RAPGEF2: variants seen among roughly 807,000 people sequenced by gnomAD.
The protein encoded by RAPGEF2 is PDZ domain containing guanine nucleotide exchange factor (GEF) 1.
RAPGEF2 carries 54 observed loss-of-function variants against 186.7 expected under a neutral mutation model. That is an observed-to-expected ratio of 0.29 (90% CI 0.23 to 0.36). RAPGEF2 has a LOEUF of 0.36. RAPGEF2 is among the 10% of genes least tolerant of loss of function. The pLI, the probability that RAPGEF2 is intolerant of heterozygous loss-of-function variation, is 1.00. For missense variants in RAPGEF2, 1,532 were observed against 2,045.0 expected (o/e 0.75, Z 4.84); for synonymous variants, 712 against 705.9 (o/e 1.01, Z -0.14).
intron 7 of RAPGEF2, among the ~76,000 whole-genome samples, chr4:159,258,507 G>C (rs1756445325): frequency 6.6e-6 from 1 of 152,168 alleles, no homozygotes; most frequent in Non-Finnish European, 1.5e-5. Context: ...ATTTCTGGTA[G>C]TAAAGTCTGT....
chr4:159,111,678 T>C (rs1738515216), intron 1 of RAPGEF2, among the ~76,000 whole-genome samples: 1 of 152,224 alleles, frequency 6.6e-6, no homozygotes, highest in African/African-American at 2.4e-5. Context: ...TGATTTCTCC[T>C]GAAAATTCAT....
chr4:159,195,875 GTTT>G (rs34827512), intron 3 of RAPGEF2, among the ~76,000 whole-genome samples: 4,229 of 93,958 alleles, frequency 0.045, 77 homozygotes, highest in South Asian at 0.083. Flanking sequence ...AAACATACCT[GTTT>G]TTTTTTTTTT....
chr4:159,135,446 C>T (rs1741618885), intron 1 of RAPGEF2, among the ~76,000 whole-genome samples: 1 of 152,078 alleles, frequency 6.6e-6, no homozygotes, highest in Non-Finnish European at 1.5e-5. Flanking sequence ...ATTGTTTCTA[C>T]CTTTTGGCTC....
At chr4:159,309,803 T>A (rs1469717057) in intron 8 of RAPGEF2, among the ~76,000 whole-genome samples, 1 of 151,960 alleles carries the variant, frequency 6.6e-6, no homozygotes, top group Non-Finnish European at 1.5e-5. Context: ...AACAGAGAGT[T>A]CAAGCAAAAT....
intron 4 of RAPGEF2, chr4:159,229,285 C>T (rs1752365357): frequency 6.6e-6 from 1 of 152,162 alleles, no homozygotes; most frequent in Non-Finnish European, 1.5e-5. Context: ...TTGCATTCCA[C>T]TGGGTAGTTC....
chr4:159,211,196 A>T (rs993495708), intron 4 of RAPGEF2, among the ~76,000 whole-genome samples: 5 of 152,112 alleles, frequency 3.3e-5, no homozygotes, highest in Non-Finnish European at 7.4e-5. Context: ...TTGTCTTTAG[A>T]TTCCTCAGGA....
intron 17 of RAPGEF2, chr4:159,332,950 T>C (rs961464119): frequency 7.3e-5 from 18 of 247,430 alleles, no homozygotes; most frequent in Non-Finnish European, 8.3e-5. Context: ...GTTTGGACTT[T>C]TTAGTTTATT....
Position 159,119,585 on chromosome 4 carries a change from T to G in RAPGEF2, c.69+15354T>G, listed in dbSNP as rs184369910. Among the ~76,000 whole-genome samples, 286 of 152,326 alleles carry G rather than the reference T, an allele frequency of 1.9e-3. 1 individual carries two copies. The highest frequency in any genetic ancestry group is 6.3e-3 in the African/African-American group (263 of 41,572). On this transcript the variant is annotated intron_variant, in intron 1 of 29. Transcript: ENST00000691494. ...TCAGGAGACCTCTTTGAAAGTCTTA[T>G]TGAATTATAGAGTTATATTACTGTA...
At chr4:159,303,046 T>C (rs1383315687) in intron 7 of RAPGEF2, among the ~76,000 whole-genome samples, 1 of 152,196 alleles carries the variant, frequency 6.6e-6, no homozygotes, top group Non-Finnish European at 1.5e-5. Context: ...CCAATAAAGT[T>C]ATTATTTCTA....
intron 3 of RAPGEF2, among the ~76,000 whole-genome samples, chr4:159,203,109 C>A (rs564313977): frequency 6.6e-6 from 1 of 152,274 alleles, no homozygotes; most frequent in East Asian, 1.9e-4. Flanking sequence ...TACTGGCCAC[C>A]TCCTTAAATG....
chr4:159,352,897 C>A lies in RAPGEF2; in HGVS notation c.4078C>A (p.Gln1360Lys), dbSNP rs181220375. 6.2e-7 allele frequency: 1 copy of A among 1,613,902 alleles called. No homozygotes were observed. The highest frequency in any genetic ancestry group is 2.2e-5 in the East Asian group (1 of 44,878). Residue 1360 changes from glutamine (Q) to lysine (K), a missense_variant, in exon 27 of 30, where the codon CAG (glutamine) becomes AAG (lysine). Physicochemically the swap from Gln to Lys is moderately conservative, Grantham distance 53. Transcript: ENST00000691494. ...GAGGCGGACCATGATTGAACCTGAT[C>A]AGTATAGCTTGGGGTAGGTGGCTCT... The part of the protein sequence containing the change: ...MERRTMIEPD[Q>K]YSLGSYAPMS...
intron 7 of RAPGEF2, among the ~76,000 whole-genome samples, chr4:159,275,482 G>A (rs1055230193): frequency 5.9e-5 from 9 of 151,892 alleles, no homozygotes; most frequent in Non-Finnish European, 8.8e-5. Flanking sequence ...CCCCTTTATC[G>A]ATACATCTGT....
At chr4:159,253,842 C>G (rs9994067) in intron 7 of RAPGEF2, among the ~76,000 whole-genome samples, 2,592 of 152,148 alleles carry the variant, frequency 0.017, 81 homozygotes, top group African/African-American at 0.058. Context: ...GTGGTGGGCG[C>G]CTGTAGTCCC....
chr4:159,150,657 T>G (rs770654415), intron 1 of RAPGEF2, among the ~76,000 whole-genome samples: 26 of 152,356 alleles, frequency 1.7e-4, no homozygotes, highest in Middle Eastern at 6.8e-3. Flanking sequence ...GCTGGAAATG[T>G]GTTTGTTGGA....
intron 1 of RAPGEF2, among the ~76,000 whole-genome samples, chr4:159,128,493 T>C (rs536722881): frequency 6.6e-6 from 1 of 152,274 alleles, no homozygotes; most frequent in East Asian, 1.9e-4. Flanking sequence ...AAATTGTGAG[T>C]CATTTATAAA....
At position 159,358,264 on chromosome 4, in the gene RAPGEF2, T is replaced by A; in HGVS notation, c.*125T>A. The A allele has an allele frequency of 1.1e-6, 1 of 888,382 alleles. No homozygotes were observed. Among genetic ancestry groups the A allele is most frequent in the Middle Eastern group, 2.2e-4 (1 of 4,558 alleles). 55.0% of individuals were successfully genotyped at this position (888,382 alleles called of 1,614,324 possible). On this transcript the variant is annotated 3_prime_UTR_variant, in exon 30 of 30. Transcript: ENST00000691494. ...GGACCAGTTTGCCTCCTTCCCTGCC[T>A]TAAAAGCAGCATGGGGCTTCTTCTC... is the stretch of plus-strand genomic sequence containing the variant.
intron 3 of RAPGEF2, among the ~76,000 whole-genome samples, chr4:159,203,462 T>TAC (rs947118599): frequency 1.3e-5 from 2 of 152,184 alleles, no homozygotes; most frequent in East Asian, 3.8e-4. Flanking sequence ...CGTGAGCATG[T>TAC]ACACAGGGCA....
At chr4:159,356,211 G>A in intron 29 of RAPGEF2, 53 bp downstream of exon 29, 1 of 1,529,064 alleles carries the variant, frequency 6.5e-7, no homozygotes, top group Non-Finnish European at 8.9e-7. Flanking sequence ...GTTCACTTGT[G>A]CTGCTTCCCA....
chr4:159,356,274 C>T, intron 29 of RAPGEF2, 116 bp downstream of exon 29: 2 of 1,050,320 alleles, frequency 1.9e-6, no homozygotes, highest in South Asian at 1.6e-5. Flanking sequence ...CCATATACTA[C>T]ACAAAGTACA....
Sources: gnomAD v4.1 joint callset for allele counts (sites outside exome capture counted in the v4.1 genomes callset) on GRCh38, gnomAD v4.1.1 for gene constraint, MANE v1.5 for transcripts, NCBI Gene and HGNC (gene_info 2026-07-23, HGNC 2026-07-21) for gene names.